The following IFT74 variants were observed in gnomAD, a reference collection of about 807,000 sequenced individuals.
IFT74 encodes the protein intraflagellar transport 74.
In IFT74, 92 loss-of-function variants were observed where a neutral mutation model predicts 96.7. That is an observed-to-expected ratio of 0.95 (90% CI 0.80 to 1.13). IFT74 has a LOEUF of 1.13. IFT74 is among the 50% of genes most tolerant of loss of function. The pLI is 0.00. For synonymous variants in IFT74, 223 were observed against 213.2 expected, an observed-to-expected ratio of 1.05 and a Z score of -0.40; for missense variants, 811 against 698.2, an observed-to-expected ratio of 1.16 and a Z score of -1.82.
chr9:27,055,518 A>C, intron 16 of IFT74, 91 bp from the exon 17 acceptor site: 2 of 861,212 alleles, frequency 2.3e-6, no homozygotes, highest in Non-Finnish European at 3.5e-6. Context: ...GATATTCTTA[A>C]AAAACATGAT....
intron 9 of IFT74, among the ~76,000 whole-genome samples, chr9:27,011,269 AG>A (rs1421613928): frequency 6.6e-6 from 1 of 152,186 alleles, no homozygotes; most frequent in African/African-American, 2.4e-5. Flanking sequence ...AAAAAGAAAG[AG>A]TATGATAGAA....
At chr9:26,982,975 G>T (rs190362222) in intron 4 of IFT74, among the ~76,000 whole-genome samples, 8 of 152,196 alleles carry the variant, frequency 5.3e-5, no homozygotes, top group African/African-American at 1.4e-4. Flanking sequence ...CCACTTACTT[G>T]TTCTACTGTC....
chr9:26,957,911 G>A (rs1186221099), intron 1 of IFT74, among the ~76,000 whole-genome samples: 1 of 151,632 alleles, frequency 6.6e-6, no homozygotes, highest in Non-Finnish European at 1.5e-5. Flanking sequence ...CACCACGCCC[G>A]GATAATTTTT....
At chr9:27,057,645 C>G (rs150420651) in intron 18 of IFT74, among the ~76,000 whole-genome samples, 1 of 152,216 alleles carries the variant, frequency 6.6e-6, no homozygotes, top group East Asian at 1.9e-4. Flanking sequence ...ATCACGAGGT[C>G]AGGAGATCAA....
rs147019396 is a variant in IFT74 at position 27,052,856 on chromosome 9, A to ATGTTGT, written c.1334-2733_1334-2728dup. On this transcript the variant is annotated intron_variant, in intron 16 of 19. Coordinates refer to ENST00000380062, the MANE Select transcript of IFT74 (RefSeq NM_025103.4). ...AGATAGAATGGATTTAGTGTACTCC[A>ATGTTGT]TGTTGTTGTTGTTGTTGTTGTTGTT... Among the ~76,000 whole-genome samples, 225 of 151,594 alleles carry ATGTTGT rather than the reference A, an allele frequency of 1.5e-3. 1 individual carries two copies. Among genetic ancestry groups the ATGTTGT allele is most frequent in the African/African-American group, 5.3e-3 (218 of 41,356 alleles).
rs777547594 is a variant in IFT74, at chr9:26,962,192, C to G, written c.120+105C>G. On this transcript the variant is annotated intron_variant, in intron 2 of 19. Coordinates refer to ENST00000380062, the MANE Select transcript of IFT74 (RefSeq NM_025103.4). The stretch of plus-strand genomic sequence containing the variant: ...GAACTCTGATCATGCCACTGCACCC[C>G]AGTTTTTGAGTTTTTGAGACTGTCT... The G allele has an allele frequency of 5.1e-4, 563 of 1,111,326 alleles. 1 individual carries two copies. The highest frequency in any genetic ancestry group is 6.6e-4 in the Non-Finnish European group (510 of 777,938). 68.8% of individuals were successfully genotyped at this position (1,111,326 alleles called of 1,614,324 possible). A position where few individuals can be genotyped will look rare whatever the true frequency, so the allele number is the denominator to read the frequency against.
At chr9:27,033,718 A>T (rs1426334778) in intron 13 of IFT74, among the ~76,000 whole-genome samples, 1 of 152,072 alleles carries the variant, frequency 6.6e-6, no homozygotes, top group East Asian at 1.9e-4. Context: ...TCCCAAGAAC[A>T]GTGCTGCACT....
rs1374884988 is a variant in IFT74, at chr9:27,018,156, AAAT to A, written c.934-487_934-485del. On this transcript the variant is annotated intron_variant, in intron 11 of 19. Transcript: ENST00000380062. ...TAAATTTGAATTTCAGATAAGCAAT[AAAT>A]AATCTTTCAGATATATATATGTATA... 2.6e-5 allele frequency among the ~76,000 whole-genome samples: 4 copies of A among 152,228 alleles called. No homozygotes were observed. The East Asian group carries it at 5.8e-4, about 22-fold the overall frequency.
At chr9:26,967,861 G>T (rs1227620787) in intron 2 of IFT74, among the ~76,000 whole-genome samples, 1 of 152,134 alleles carries the variant, frequency 6.6e-6, no homozygotes, top group Non-Finnish European at 1.5e-5. Flanking sequence ...TTGTCCTTCA[G>T]TCTGATGGTA....
chr9:27,040,556 A>AAAT (rs1257623724), intron 13 of IFT74, among the ~76,000 whole-genome samples: 1 of 151,496 alleles, frequency 6.6e-6, no homozygotes, highest in East Asian at 1.9e-4. Context: ...AAAAAAAAAA[A>AAAT]AAAAAAAAAA....
rs1179388711 is a variant in IFT74, at chr9:27,017,038, A to G, written c.921A>G (p.Lys307=). Residue 307 remains lysine, a synonymous_variant, in exon 11 of 20, where the codon AAA becomes AAG. Transcript: ENST00000380062. ...GATCTCCAATGGAAGAGAGAGAGAA[A>G]TTACTTAAGCAGGTGGGCAAAACAA... The part of the protein sequence containing the change: ...SIGSPMEERE[K]LLKQIKDDNQ... 1 of 1,603,992 alleles carries G rather than the reference A, an allele frequency of 6.2e-7. No homozygotes were observed. The highest frequency in any genetic ancestry group is 8.5e-7 in the Non-Finnish European group (1 of 1,176,702).
At chr9:27,007,454 CT>C (rs2131597790) in intron 8 of IFT74, among the ~76,000 whole-genome samples, 1 of 152,284 alleles carries the variant, frequency 6.6e-6, no homozygotes, top group East Asian at 1.9e-4. Context: ...CTTTCAATTT[CT>C]TTGAGCTCAT....
At chr9:26,987,223 G>T (rs1029732552) in intron 6 of IFT74, among the ~76,000 whole-genome samples, 3 of 151,498 alleles carry the variant, frequency 2.0e-5, no homozygotes, top group African/African-American at 7.3e-5. Context: ...TTACAGGTGC[G>T]GTCCTGAGTA....
chr9:26,971,703 A>G (rs1457681753), intron 2 of IFT74, among the ~76,000 whole-genome samples: 2 of 152,162 alleles, frequency 1.3e-5, no homozygotes, highest in African/African-American at 4.8e-5. Flanking sequence ...GACATGTACA[A>G]TAGCTATCTC....
Position 27,055,618 on chromosome 9 carries a change from G to C in IFT74, c.1343G>C (p.Arg448Pro). The C allele has an allele frequency of 2.5e-6, 4 of 1,572,486 alleles. No homozygotes were observed. Among genetic ancestry groups the C allele is most frequent in the Non-Finnish European group, 3.4e-6 (4 of 1,165,000 alleles). ...TAQNLTSDIQ[R>P]LQLDLQKMEL... ...AATTCTTATGTTTCAGACATTCAAC[G>C]TCTGCAGTTGGATCTGCAGAAAATG... The change falls in exon 17 of 20, where the codon CGT (arginine) becomes CCT (proline). Residue 448 changes from arginine to proline, a missense_variant. By Grantham distance (103) the Arg-to-Pro change is moderately radical. Transcript: ENST00000380062.
chr9:26,963,564 C>G (rs1402913984), intron 2 of IFT74, among the ~76,000 whole-genome samples: 1 of 150,894 alleles, frequency 6.6e-6, no homozygotes, highest in East Asian at 2.0e-4. Flanking sequence ...AACTAGTTTA[C>G]AGTCCCACCA....
chr9:27,021,963 G>C (rs1040217039), intron 12 of IFT74, among the ~76,000 whole-genome samples: 23 of 152,162 alleles, frequency 1.5e-4, no homozygotes, highest in Non-Finnish European at 3.2e-4. Context: ...TATGGGTTTA[G>C]GTCTTAGATT....
intron 8 of IFT74, 36 bp from the exon 9 acceptor site, chr9:27,008,984 T>A: frequency 6.5e-7 from 1 of 1,548,954 alleles, no homozygotes; most frequent in Non-Finnish European, 8.8e-7. Context: ...TTTTCCTCAA[T>A]ATAGTATCAG....
In IFT74 at chr9:27,060,608, A is replaced by G. The variant is rs760175772; in HGVS notation, c.1641A>G (p.Arg547=). ...GTTTTTAGCTTACAAATTTGGAGAGAAAGTGGCAACACCTTGAGCAAAATA... is the reference window on the plus strand; with the variant it reads ...GTTTTTAGCTTACAAATTTGGAGAGGAAGTGGCAACACCTTGAGCAAAATA... ...ETHSQLTNLE[R]KWQHLEQNNF... Residue 547 remains arginine, a synonymous_variant, in exon 19 of 20, where the codon AGA becomes AGG. Transcript: ENST00000380062. 3 of 1,594,550 alleles carry G rather than the reference A, an allele frequency of 1.9e-6. No homozygotes were observed. Among genetic ancestry groups the G allele is most frequent in the Non-Finnish European group, 2.6e-6 (3 of 1,167,844 alleles).
Sources: gnomAD v4.1 joint callset for allele counts (sites outside exome capture counted in the v4.1 genomes callset) on GRCh38, gnomAD v4.1.1 for gene constraint, MANE v1.5 for transcripts, NCBI Gene and HGNC (gene_info 2026-07-23, HGNC 2026-07-21) for gene names.